The following CNBD1 variants were observed in gnomAD, a reference collection of about 807,000 sequenced individuals.
The protein encoded by CNBD1 is cyclic nucleotide binding domain containing 1.
A neutral mutation model predicts 54.4 loss-of-function variants in CNBD1; 71 were observed. That is an observed-to-expected ratio of 1.30 (90% CI 1.08 to 1.59). The LOEUF is 1.59. Ranked by LOEUF, CNBD1 falls within the 40% of genes most tolerant of loss-of-function variation. CNBD1 has a pLI of 0.00. For missense variants in CNBD1, 659 were observed against 518.0 expected (o/e 1.27, Z -2.64); for synonymous variants, 182 against 170.7 (o/e 1.07, Z -0.51).
Position 87,191,049 on chromosome 8 carries a change from A to G in CNBD1, c.432-14944A>G, listed in dbSNP as rs6981484. On this transcript the variant is annotated intron_variant, in intron 4 of 10. Transcript: ENST00000518476. Reference sequence around the variant, plus strand: ...TTATTAAGGAGAATTAGCTTTCACTATTATACAGCAAAGCCCTACCATGTG... The same window carrying G: ...TTATTAAGGAGAATTAGCTTTCACTGTTATACAGCAAAGCCCTACCATGTG... 4.8e-4 allele frequency among the ~76,000 whole-genome samples: 73 copies of G among 151,874 alleles called. 1 individual carries two copies. The highest frequency in any genetic ancestry group is 1.7e-3 in the African/African-American group (72 of 41,466).
At chr8:87,279,569 C>T (rs1458510326) in intron 6 of CNBD1, among the ~76,000 whole-genome samples, 4 of 151,178 alleles carry the variant, frequency 2.6e-5, no homozygotes, top group Non-Finnish European at 5.9e-5. Context: ...GCCAAAGTAG[C>T]TGTACTATAG....
intron 2 of CNBD1, among the ~76,000 whole-genome samples, chr8:87,417,661 A>G (rs1188575400): frequency 6.6e-6 from 1 of 152,012 alleles, no homozygotes; most frequent in Non-Finnish European, 1.5e-5. Flanking sequence ...ATGCATGATC[A>G]ATATACAAAA....
intron 4 of CNBD1, among the ~76,000 whole-genome samples, chr8:87,162,994 G>C (rs1379339221): frequency 6.6e-6 from 1 of 151,906 alleles, no homozygotes; most frequent in Non-Finnish European, 1.5e-5. Context: ...ACCATGTGGG[G>C]CCCAGCATTC....
intron 4 of CNBD1, among the ~76,000 whole-genome samples, chr8:87,036,595 A>G (rs905186549): frequency 4.1e-5 from 1 of 24,690 alleles, no homozygotes; most frequent in South Asian, 1.4e-3. Context: ...CTGCATCTCT[A>G]AAAAAAAAAA....
intron 4 of CNBD1, among the ~76,000 whole-genome samples, chr8:87,063,092 C>G (rs1810578431): frequency 1.3e-5 from 2 of 152,156 alleles, no homozygotes; most frequent in African/African-American, 4.8e-5. Context: ...CTACTGAGGT[C>G]TGCAATGACA....
chr8:87,321,384 C>T (rs1809525564), intron 8 of CNBD1, among the ~76,000 whole-genome samples: 1 of 152,082 alleles, frequency 6.6e-6, no homozygotes, highest in Admixed American at 6.6e-5. Context: ...TGATTGTGGC[C>T]ATCCCAACAC....
chr8:86,898,251 G>T (rs895686374), intron 2 of CNBD1, among the ~76,000 whole-genome samples: 1 of 152,086 alleles, frequency 6.6e-6, no homozygotes, highest in East Asian at 1.9e-4. Flanking sequence ...GATTTAACAT[G>T]GGTTTTCTCT....
intron 4 of CNBD1, among the ~76,000 whole-genome samples, chr8:87,069,882 A>C (rs1316408977): frequency 6.6e-6 from 1 of 152,064 alleles, no homozygotes; most frequent in Admixed American, 6.6e-5. Context: ...TTGTTCATGA[A>C]TCCAGTTACT....
At chr8:87,391,855 C>A (rs1342172283) in intron 2 of CNBD1, among the ~76,000 whole-genome samples, 1 of 151,928 alleles carries the variant, frequency 6.6e-6, no homozygotes, top group Non-Finnish European at 1.5e-5. Context: ...TCATAAAAAT[C>A]AAAAACTTTT....
At chr8:87,345,171 G>A (rs1349880859) in intron 8 of CNBD1, among the ~76,000 whole-genome samples, 1 of 152,030 alleles carries the variant, frequency 6.6e-6, no homozygotes. Flanking sequence ...ACTTTCCCTA[G>A]CACACAATAT....
intron 8 of CNBD1, among the ~76,000 whole-genome samples, chr8:87,300,713 C>T (rs895007422): frequency 1.3e-5 from 2 of 151,828 alleles, no homozygotes; most frequent in East Asian, 1.9e-4. Flanking sequence ...TACACACACA[C>T]ATATACACAC....
At chr8:87,089,395 T>C (rs2130677083) in intron 4 of CNBD1, among the ~76,000 whole-genome samples, 1 of 152,230 alleles carries the variant, frequency 6.6e-6, no homozygotes, top group South Asian at 2.1e-4. Flanking sequence ...AATGATGTTA[T>C]CACGTATTCC....
intron 6 of CNBD1, among the ~76,000 whole-genome samples, chr8:87,244,333 T>C (rs951304951): frequency 6.6e-6 from 1 of 152,160 alleles, no homozygotes; most frequent in African/African-American, 2.4e-5. Context: ...TTGAATAGAA[T>C]AGGAGGCAGG....
At chr8:86,902,676 G>A (rs1450355365) in intron 2 of CNBD1, among the ~76,000 whole-genome samples, 1 of 151,934 alleles carries the variant, frequency 6.6e-6, no homozygotes, top group Admixed American at 6.6e-5. Flanking sequence ...GTTTATTGCA[G>A]GTAAGCTTCA....
intron 10 of CNBD1, among the ~76,000 whole-genome samples, chr8:87,363,486 T>C (rs913563357): frequency 1.3e-5 from 2 of 152,168 alleles, no homozygotes; most frequent in African/African-American, 4.8e-5. Context: ...TGTTCCTATT[T>C]CTCCACATCC....
intron 2 of CNBD1, among the ~76,000 whole-genome samples, chr8:87,412,261 T>A (rs1171492595): frequency 2.0e-5 from 3 of 152,130 alleles, no homozygotes; most frequent in Admixed American, 6.6e-5. Flanking sequence ...ATATCATGTG[T>A]TTTGGTATGT....
At chr8:87,422,757 G>A (rs1343114059) in intron 2 of CNBD1, among the ~76,000 whole-genome samples, 1 of 152,104 alleles carries the variant, frequency 6.6e-6, no homozygotes, top group Non-Finnish European at 1.5e-5. Flanking sequence ...GACGATGCGG[G>A]CTCTTTTTTG....
At chr8:87,133,173 T>G (rs1426903588) in intron 4 of CNBD1, among the ~76,000 whole-genome samples, 1 of 152,146 alleles carries the variant, frequency 6.6e-6, no homozygotes, top group African/African-American at 2.4e-5. Context: ...TTTAAATAGT[T>G]TTTGACAATG....
chr8:87,285,499 A>T (rs982722460), intron 7 of CNBD1, among the ~76,000 whole-genome samples: 22 of 152,114 alleles, frequency 1.4e-4, no homozygotes, highest in African/African-American at 5.3e-4. Flanking sequence ...GCACTTTGGG[A>T]GGCCGAGGAG....
Sources: allele counts gnomAD v4.1 joint callset (sites outside exome capture counted in the v4.1 genomes callset), GRCh38; gene constraint gnomAD v4.1.1; transcripts MANE v1.5; gene names NCBI Gene and HGNC (gene_info 2026-07-23, HGNC 2026-07-21).